The following ARHGAP6 variants were observed in gnomAD, a reference collection of about 807,000 sequenced individuals.
ARHGAP6 encodes rho GTPase-activating protein 6.
A neutral mutation model predicts 55.7 loss-of-function variants in ARHGAP6; 16 were observed. The observed-to-expected ratio is 0.29, with a 90% CI of 0.19 to 0.44. The LOEUF (loss-of-function observed/expected upper bound fraction) is 0.44, where lower values mean the gene tolerates loss of function less well. Ranked by LOEUF, ARHGAP6 falls within the 20% of genes least tolerant of loss-of-function variation. The probability of loss-of-function intolerance (pLI) is 1.00; values close to 1 mark genes in which losing one functional copy is unlikely to be tolerated. For missense variants in ARHGAP6, 698 were observed against 808.9 expected (o/e 0.86, Z 1.66); for synonymous variants, 382 against 360.9 (o/e 1.06, Z -0.66).
At chrX:11,354,321 C>CTA (rs1295985738) in intron 1 of ARHGAP6, among the ~76,000 whole-genome samples, 79 of 64,343 alleles carry the variant, frequency 1.2e-3, no homozygotes, top group East Asian at 3.4e-3. Flanking sequence ...CTCTCTCTCT[C>CTA]TCTCTCTATA....
At chrX:11,574,811 G>A (rs1209065874) in intron 1 of ARHGAP6, among the ~76,000 whole-genome samples, 1 of 108,303 alleles carries the variant, frequency 9.2e-6, no homozygotes, top group Non-Finnish European at 1.9e-5. Context: ...TGACATGATT[G>A]TACATCTAGA....
chrX:11,378,929 C>T (rs777782541), intron 1 of ARHGAP6, among the ~76,000 whole-genome samples: 9 of 112,607 alleles, frequency 8.0e-5, no homozygotes, highest in Non-Finnish European at 1.5e-4. Flanking sequence ...CTTCTCTTCA[C>T]GGTTTTATCA....
intron 10 of ARHGAP6, among the ~76,000 whole-genome samples, chrX:11,151,693 G>A (rs1465566076): frequency 8.9e-6 from 1 of 112,067 alleles, no homozygotes; most frequent in Non-Finnish European, 1.9e-5. Context: ...ATCACTAAAT[G>A]TTTGCTCTTT....
chrX:11,354,249 C>A (rs1279437557), intron 1 of ARHGAP6, among the ~76,000 whole-genome samples: 1 of 95,273 alleles, frequency 1.0e-5, no homozygotes, highest in African/African-American at 4.0e-5. Flanking sequence ...TTATGTAGTA[C>A]CTGGCACATG....
chrX:11,426,360 T>A (rs757250017), intron 1 of ARHGAP6, among the ~76,000 whole-genome samples: 6 of 77,834 alleles, frequency 7.7e-5, no homozygotes, highest in Admixed American at 5.0e-4. Flanking sequence ...AAAAAAACAA[T>A]TTTTTTTTTT....
chrX:11,559,776 A>G (rs1223538422), intron 1 of ARHGAP6, among the ~76,000 whole-genome samples: 1 of 108,842 alleles, frequency 9.2e-6, no homozygotes, highest in Non-Finnish European at 1.9e-5. Flanking sequence ...AAATACAAAA[A>G]AAGTAGCCAG....
intron 1 of ARHGAP6, among the ~76,000 whole-genome samples, chrX:11,514,640 T>C (rs1263089340): frequency 9.0e-6 from 1 of 110,947 alleles, no homozygotes; most frequent in East Asian, 2.8e-4. Context: ...TTCTCATCTA[T>C]TTGGTATGCA....
intron 2 of ARHGAP6, among the ~76,000 whole-genome samples, chrX:11,213,506 T>C (rs1332995063): frequency 8.9e-6 from 1 of 112,362 alleles, no homozygotes; most frequent in East Asian, 2.8e-4. Flanking sequence ...AACACTCAGG[T>C]GCCCAACAAC....
At chrX:11,407,828 G>C (rs2049629506) in intron 1 of ARHGAP6, among the ~76,000 whole-genome samples, 1 of 111,570 alleles carries the variant, frequency 9.0e-6, no homozygotes, top group African/African-American at 3.3e-5. Context: ...GTTGAACGGG[G>C]AGGAGGTGTG....
At chrX:11,342,840 T>C (rs1043756417) in intron 1 of ARHGAP6, among the ~76,000 whole-genome samples, 7 of 112,566 alleles carry the variant, frequency 6.2e-5, no homozygotes, top group Non-Finnish European at 1.1e-4. Flanking sequence ...GACAACAAAA[T>C]GAGAGCACTA....
intron 1 of ARHGAP6, among the ~76,000 whole-genome samples, chrX:11,469,603 C>T (rs2050328398): frequency 9.4e-6 from 1 of 106,533 alleles, no homozygotes; most frequent in Non-Finnish European, 2.0e-5. Context: ...TACCTCTTTG[C>T]ACCCCAGGAA....
At chrX:11,390,733 T>C (rs1182894213) in intron 1 of ARHGAP6, among the ~76,000 whole-genome samples, 28 of 112,144 alleles carry the variant, frequency 2.5e-4, no homozygotes, top group African/African-American at 8.7e-4. Flanking sequence ...TCACTGGCCA[T>C]CAGAGAAATG....
chrX:11,457,469 C>A (rs1207287634), intron 1 of ARHGAP6, among the ~76,000 whole-genome samples: 1 of 111,564 alleles, frequency 9.0e-6, no homozygotes, highest in East Asian at 2.8e-4. Context: ...ACCTGCCCTT[C>A]TCTCTAGAGG....
intron 1 of ARHGAP6, among the ~76,000 whole-genome samples, chrX:11,316,786 A>G (rs1430383034): frequency 8.9e-6 from 1 of 112,074 alleles, no homozygotes; most frequent in Non-Finnish European, 1.9e-5. Context: ...TAGATTCCAC[A>G]TGTAAGTGAG....
intron 1 of ARHGAP6, among the ~76,000 whole-genome samples, chrX:11,543,554 G>C (rs1287390168): frequency 1.8e-5 from 2 of 112,219 alleles, no homozygotes; most frequent in East Asian, 5.6e-4. Flanking sequence ...TGCTGAAGTT[G>C]AGAGACCCCA....
At chrX:11,652,489 CTTTCGTTTAAAATATTT>C (rs2052595092) in intron 1 of ARHGAP6, among the ~76,000 whole-genome samples, 1 of 111,985 alleles carries the variant, frequency 8.9e-6, no homozygotes, top group South Asian at 3.7e-4. Flanking sequence ...AAGAGTTTAA[CTTTCGTTTAAAATATTT>C]TCCAGTTGTA....
At chrX:11,657,258 T>C (rs1423809453) in intron 1 of ARHGAP6, among the ~76,000 whole-genome samples, 1 of 101,705 alleles carries the variant, frequency 9.8e-6, no homozygotes, top group African/African-American at 3.9e-5. Flanking sequence ...AAGGAGAAAC[T>C]GAAGGCAGGG....
At chrX:11,559,929 A>AAATAATAAT (rs755756728) in intron 1 of ARHGAP6, among the ~76,000 whole-genome samples, 1,166 of 96,122 alleles carry the variant, frequency 0.012, 12 homozygotes, top group East Asian at 0.055. Context: ...CTCGGTCTCA[A>AAATAATAAT]AATAATAATA....
At chrX:11,415,592 G>A (rs2049737149) in intron 1 of ARHGAP6, among the ~76,000 whole-genome samples, 1 of 112,069 alleles carries the variant, frequency 8.9e-6, no homozygotes, top group African/African-American at 3.2e-5. Context: ...CCTTACCACA[G>A]CCCCATCATG....
Sources: allele counts gnomAD v4.1 joint callset (sites outside exome capture counted in the v4.1 genomes callset), GRCh38; gene constraint gnomAD v4.1.1; transcripts MANE v1.5; gene names NCBI Gene and HGNC (gene_info 2026-07-23, HGNC 2026-07-21).